The following MTHFD2L variants were observed in gnomAD, a reference collection of about 807,000 sequenced individuals.
MTHFD2L encodes the protein methylenetetrahydrofolate dehydrogenase (NADP+ dependent) 2 like.
In MTHFD2L, 29 loss-of-function variants were observed where a neutral mutation model predicts 34.9. That is an observed-to-expected ratio of 0.83 (90% CI 0.62 to 1.13). The LOEUF (loss-of-function observed/expected upper bound fraction) is 1.13. MTHFD2L is among the 50% of genes most tolerant of loss of function. The pLI is 0.00. For synonymous variants in MTHFD2L, 167 were observed against 155.7 expected (o/e 1.07, Z -0.54); for missense variants, 481 against 446.5 (o/e 1.08, Z -0.70).
At position 74,281,478 on chromosome 4, in the gene MTHFD2L, G is replaced by A. The variant is rs770097097; in HGVS notation, c.859G>A (p.Asp287Asn). 2.5e-6 allele frequency: 4 copies of A among 1,612,660 alleles called. No individual in the cohort carries two copies. The highest frequency in any genetic ancestry group is 2.5e-6 in the Non-Finnish European group (3 of 1,179,224). The stretch of plus-strand genomic sequence containing the variant: ...GGTTAAAGAAGGTGCTGCTGTAATT[G>A]ATGTGGGTATCAACTATGTCCACGA... The part of the protein sequence containing the change: ...DMVKEGAAVI[D>N]VGINYVHDPV... The change falls in exon 7 of 8, where the codon GAT (aspartate) becomes AAT (asparagine). Residue 287 changes from aspartate (D) to asparagine (N), a missense_variant. Coordinates refer to ENST00000325278, the MANE Select transcript of MTHFD2L (RefSeq NM_001144978.3).
intron 3 of MTHFD2L, among the ~76,000 whole-genome samples, chr4:74,199,584 T>C (rs1734058807): frequency 6.6e-6 from 1 of 152,082 alleles, no homozygotes. Context: ...GAATAGCATA[T>C]ACTCCAACTG....
rs1274200809 is a variant in MTHFD2L at position 74,248,846 on chromosome 4, C to G, written c.805+23452C>G. ...TTTGATTGCACTGTGGTCTGAGAGACAGTTTGTTATAATTTCTGTTCTTTT... is the reference window on the plus strand; with the variant it reads ...TTTGATTGCACTGTGGTCTGAGAGAGAGTTTGTTATAATTTCTGTTCTTTT... On this transcript the variant is annotated intron_variant, in intron 6 of 7. Coordinates refer to ENST00000325278, the MANE Select transcript of MTHFD2L (RefSeq NM_001144978.3). 8.2e-3 allele frequency among the ~76,000 whole-genome samples: 1,240 copies of G among 151,724 alleles called. 23 individuals carry two copies. Among genetic ancestry groups the G allele is most frequent in the African/African-American group, 0.029 (1,193 of 41,418 alleles).
chr4:74,154,473 C>T (rs1396194726), upstream of MTHFD2L, among the ~76,000 whole-genome samples: 1 of 152,014 alleles, frequency 6.6e-6, no homozygotes, highest in Non-Finnish European at 1.5e-5. Flanking sequence ...TTTATTCAAT[C>T]ACATATTTAT....
At chr4:74,242,717 T>G (rs2110174257) in intron 6 of MTHFD2L, among the ~76,000 whole-genome samples, 1 of 152,334 alleles carries the variant, frequency 6.6e-6, no homozygotes, top group South Asian at 2.1e-4. Context: ...TTTATTTGCT[T>G]TATATCAAGT....
At chr4:74,270,055 C>A (rs1292708333) in intron 6 of MTHFD2L, among the ~76,000 whole-genome samples, 1 of 151,962 alleles carries the variant, frequency 6.6e-6, no homozygotes, top group African/African-American at 2.4e-5. Flanking sequence ...GAATCTGTAT[C>A]CCTACACAAT....
At chr4:74,224,208 T>C (rs1403089043) in intron 5 of MTHFD2L, 1 of 152,126 alleles carries the variant, frequency 6.6e-6, no homozygotes, top group Non-Finnish European at 1.5e-5. Context: ...TCTGCCTTTA[T>C]TTCTATTCTC....
chr4:74,275,059 G>A (rs28525247), intron 6 of MTHFD2L, among the ~76,000 whole-genome samples: 535 of 152,116 alleles, frequency 3.5e-3, no homozygotes, highest in Non-Finnish European at 5.4e-3. Flanking sequence ...CATCACCTAG[G>A]TTTTAAGCCC....
At chr4:74,118,495 G>A (rs1721693688), upstream of MTHFD2L, among the ~76,000 whole-genome samples, 1 of 152,184 alleles carries the variant, frequency 6.6e-6, no homozygotes, top group Non-Finnish European at 1.5e-5. Context: ...CCCTGTAAAT[G>A]TGTTAAAGTC....
At chr4:74,247,096 TCTTCCTAC>T (rs1742583433) in intron 6 of MTHFD2L, among the ~76,000 whole-genome samples, 1 of 149,162 alleles carries the variant, frequency 6.7e-6, no homozygotes, top group Non-Finnish European at 1.5e-5. Flanking sequence ...CAATATTGAT[TCTTCCTAC>T]CCATGAGCAT....
At chr4:74,157,831 T>C (rs1385077919), upstream of MTHFD2L, 1 of 569,008 alleles carries the variant, frequency 1.8e-6, no homozygotes, top group Non-Finnish European at 3.3e-6. Context: ...GCCGTCGCTA[T>C]GGGAATGCCA....
At chr4:74,227,328 C>T (rs1739320886) in intron 6 of MTHFD2L, among the ~76,000 whole-genome samples, 1 of 152,106 alleles carries the variant, frequency 6.6e-6, no homozygotes, top group African/African-American at 2.4e-5. Context: ...TACAAGCTTC[C>T]TCCAGTTTCT....
chr4:74,138,358 G>A (rs1723077747), intron 1 of MTHFD2L, among the ~76,000 whole-genome samples: 1 of 152,186 alleles, frequency 6.6e-6, no homozygotes, highest in African/African-American at 2.4e-5. Flanking sequence ...CAAGATGGGG[G>A]CGGGCTGCTC....
rs370943386 is a variant in MTHFD2L at position 74,125,895 on chromosome 4, T to C, written c.-297+378T>C. On this transcript the variant is annotated intron_variant, in intron 1 of 7. Coordinates refer to the MTHFD2L transcript ENST00000433372. ...TTCTTCCATGGTTTCCAAGAATTTC[T>C]TATTAAATATGTTAACAAAACTCGA... Among the ~76,000 whole-genome samples, 95 of 152,312 alleles carry C rather than the reference T, an allele frequency of 6.2e-4. 3 individuals are homozygous for C. The South Asian group carries it at 0.019, about 31-fold the overall frequency.
chr4:74,205,258 C>T (rs17230459), intron 5 of MTHFD2L, among the ~76,000 whole-genome samples: 20,203 of 152,056 alleles, frequency 0.13, 1,776 homozygotes, highest in Non-Finnish European at 0.2. Context: ...TTCAAACATG[C>T]GTGTCTGTTA....
At chr4:74,282,726 C>T (rs1046733316) in intron 7 of MTHFD2L, among the ~76,000 whole-genome samples, 8 of 152,036 alleles carry the variant, frequency 5.3e-5, no homozygotes, top group African/African-American at 1.4e-4. Flanking sequence ...ACAGATGTAC[C>T]GTACCAAAGA....
chr4:74,219,174 G>A (rs564130046), intron 5 of MTHFD2L, among the ~76,000 whole-genome samples: 2 of 152,224 alleles, frequency 1.3e-5, no homozygotes, highest in South Asian at 4.1e-4. Flanking sequence ...GTATCTGCCA[G>A]TGCGGCAGGT....
At chr4:74,121,997 G>A (rs943509035), upstream of MTHFD2L, among the ~76,000 whole-genome samples, 4 of 151,860 alleles carry the variant, frequency 2.6e-5, no homozygotes, top group Admixed American at 2.0e-4. Context: ...CTAGAACTGT[G>A]AGAAAATAAA....
chr4:74,136,957 CA>C (rs763329742), intron 1 of MTHFD2L, among the ~76,000 whole-genome samples: 4 of 152,158 alleles, frequency 2.6e-5, no homozygotes, highest in South Asian at 4.1e-4. Context: ...TCACCATACA[CA>C]AAAATTAAAT....
At chr4:74,170,248 A>G (rs963116188) in intron 1 of MTHFD2L, among the ~76,000 whole-genome samples, 15 of 152,248 alleles carry the variant, frequency 9.9e-5, no homozygotes, top group Non-Finnish European at 1.9e-4. Context: ...GATGAAATCC[A>G]TGATAGTCTG....
Sources: gnomAD v4.1 joint callset for allele counts (sites outside exome capture counted in the v4.1 genomes callset) on GRCh38, gnomAD v4.1.1 for gene constraint, MANE v1.5 for transcripts, NCBI Gene and HGNC (gene_info 2026-07-23, HGNC 2026-07-21) for gene names.